The following LRRC4C variants were observed in gnomAD, a reference collection of about 807,000 sequenced individuals.
LRRC4C encodes the protein leucine-rich repeat-containing protein 4C.
A neutral mutation model predicts 33.6 loss-of-function variants in LRRC4C; 5 were observed. That is an observed-to-expected ratio of 0.15 (90% confidence interval 0.08 to 0.31). LRRC4C has a LOEUF of 0.31. LRRC4C is among the 10% of genes least tolerant of loss of function. The probability of loss-of-function intolerance (pLI) is 1.00; values close to 1 mark genes in which losing one functional copy is unlikely to be tolerated. For synonymous variants in LRRC4C, 329 were observed against 302.0 expected, an observed-to-expected ratio of 1.09 and a Z score of -0.93; for missense variants, 560 against 796.7, an observed-to-expected ratio of 0.70 and a Z score of 3.58.
At chr11:40,401,617 C>T (rs975877711) in intron 3 of LRRC4C, among the ~76,000 whole-genome samples, 2 of 152,090 alleles carry the variant, frequency 1.3e-5, no homozygotes, top group African/African-American at 4.8e-5. Flanking sequence ...TGGTAGCTCA[C>T]CAAATCTAAA....
intron 1 of LRRC4C, among the ~76,000 whole-genome samples, chr11:41,414,347 T>A (rs1252826600): frequency 6.6e-6 from 1 of 152,158 alleles, no homozygotes; most frequent in African/African-American, 2.4e-5. Context: ...ATTAAACCAT[T>A]TCTTTACTAT....
intron 2 of LRRC4C, among the ~76,000 whole-genome samples, chr11:40,757,802 A>T (rs4372433): frequency 0.12 from 18,570 of 151,936 alleles, 1,528 homozygotes; most frequent in East Asian, 0.41. Context: ...TCCTGTCCCA[A>T]AGGGTAATAG....
chr11:40,121,365 C>T (rs1332069364), intron 6 of LRRC4C, among the ~76,000 whole-genome samples: 1 of 152,122 alleles, frequency 6.6e-6, no homozygotes, highest in Non-Finnish European at 1.5e-5. Flanking sequence ...AATTTATAAC[C>T]TACAGTGAAT....
At chr11:40,642,880 A>T (rs1495295) in intron 3 of LRRC4C, among the ~76,000 whole-genome samples, 57,329 of 152,110 alleles carry the variant, frequency 0.38, 11,887 homozygotes, top group East Asian at 0.61. Context: ...GACATCAAAA[A>T]AGAACCATCA....
At chr11:41,139,843 G>A (rs972372353) in intron 1 of LRRC4C, among the ~76,000 whole-genome samples, 1 of 152,168 alleles carries the variant, frequency 6.6e-6, no homozygotes, top group Admixed American at 6.5e-5. Flanking sequence ...CCTTTGGGCT[G>A]TGTGGGAGAC....
chr11:40,965,779 G>A (rs1479261081), intron 1 of LRRC4C, among the ~76,000 whole-genome samples: 1 of 152,114 alleles, frequency 6.6e-6, no homozygotes, highest in Non-Finnish European at 1.5e-5. Flanking sequence ...TAGCCTTGGA[G>A]TATAGTTTGA....
At chr11:41,133,859 G>C (rs369455496) in intron 1 of LRRC4C, among the ~76,000 whole-genome samples, 1 of 152,038 alleles carries the variant, frequency 6.6e-6, no homozygotes, top group African/African-American at 2.4e-5. Flanking sequence ...GCAAATAAAA[G>C]AATCTATGAA....
intron 1 of LRRC4C, among the ~76,000 whole-genome samples, chr11:41,139,235 G>A (rs1943398483): frequency 6.6e-6 from 1 of 152,086 alleles, no homozygotes; most frequent in Non-Finnish European, 1.5e-5. Flanking sequence ...CAACCAATGG[G>A]AACAACAGTC....
intron 3 of LRRC4C, among the ~76,000 whole-genome samples, chr11:40,527,016 A>G (rs1278991617): frequency 6.6e-6 from 1 of 152,198 alleles, no homozygotes; most frequent in African/African-American, 2.4e-5. Flanking sequence ...AGCTAGACAT[A>G]TAAAATTATA....
chr11:41,140,985 T>C (rs947371376), intron 1 of LRRC4C, among the ~76,000 whole-genome samples: 38 of 152,188 alleles, frequency 2.5e-4, no homozygotes, highest in African/African-American at 9.2e-4. Flanking sequence ...TTACCTTTTA[T>C]ACAACGGGAG....
intron 1 of LRRC4C, among the ~76,000 whole-genome samples, chr11:41,139,062 G>A (rs1396902714): frequency 6.6e-6 from 1 of 152,004 alleles, no homozygotes; most frequent in Non-Finnish European, 1.5e-5. Context: ...GTATGGAACA[G>A]CTGCATTTAT....
intron 3 of LRRC4C, among the ~76,000 whole-genome samples, chr11:40,630,332 CTTCTT>C (rs1963353188): frequency 2.7e-4 from 2 of 7,286 alleles, no homozygotes; most frequent in Non-Finnish European, 1.9e-3. Flanking sequence ...TCTTCTTCCT[CTTCTT>C]CTTCTTCTTC....
intron 2 of LRRC4C, among the ~76,000 whole-genome samples, chr11:40,861,275 T>A (rs917216028): frequency 6.6e-6 from 1 of 152,050 alleles, no homozygotes; most frequent in Non-Finnish European, 1.5e-5. Context: ...TAGAGGTGTG[T>A]GGGAAGTCTT....
intron 2 of LRRC4C, among the ~76,000 whole-genome samples, chr11:40,878,952 T>C (rs1955042462): frequency 6.6e-6 from 1 of 152,230 alleles, no homozygotes; most frequent in African/African-American, 2.4e-5. Flanking sequence ...TGTCTGGCTG[T>C]GAGCCTCACA....
chr11:40,399,953 A>T (rs1375444910), intron 3 of LRRC4C, among the ~76,000 whole-genome samples: 1 of 152,122 alleles, frequency 6.6e-6, no homozygotes, highest in African/African-American at 2.4e-5. Context: ...TTTTTAAAAA[A>T]TAACTACAAA....
chr11:41,248,110 G>A (rs1436546780), intron 1 of LRRC4C, among the ~76,000 whole-genome samples: 2 of 152,172 alleles, frequency 1.3e-5, no homozygotes, highest in Admixed American at 6.5e-5. Context: ...TTCTTATCAA[G>A]TAAATAAGCT....
chr11:40,796,568 G>T (rs1950834001), intron 2 of LRRC4C, among the ~76,000 whole-genome samples: 1 of 149,532 alleles, frequency 6.7e-6, no homozygotes, highest in African/African-American at 2.5e-5. Flanking sequence ...AGTCGGTGTA[G>T]AAGGGAACAA....
intron 1 of LRRC4C, among the ~76,000 whole-genome samples, chr11:41,127,638 G>A (rs974384613): frequency 1.3e-5 from 2 of 151,978 alleles, no homozygotes; most frequent in African/African-American, 4.8e-5. Flanking sequence ...ATGTGGCCTT[G>A]AGACTATTTC....
intron 4 of LRRC4C, among the ~76,000 whole-genome samples, chr11:40,296,405 G>A (rs2136630621): frequency 6.6e-6 from 1 of 152,240 alleles, no homozygotes; most frequent in Middle Eastern, 3.4e-3. Flanking sequence ...GAGAGATTTT[G>A]AAGATGGAAA....
Sources: gnomAD v4.1 joint callset for allele counts (sites outside exome capture counted in the v4.1 genomes callset) on GRCh38, gnomAD v4.1.1 for gene constraint, MANE v1.5 for transcripts, NCBI Gene and HGNC (gene_info 2026-07-23, HGNC 2026-07-21) for gene names.